The following HORMAD1 variants were observed in gnomAD, a reference collection of about 807,000 sequenced individuals.
HORMAD1 encodes the protein HORMA domain containing 1.
HORMAD1 carries 33 observed loss-of-function variants against 58.2 expected under a neutral mutation model. The ratio of observed to expected loss-of-function variants is 0.57; its 90% CI spans 0.43 to 0.76. The LOEUF is 0.76. Among genes scored for constraint, HORMAD1 ranks in the 30% least tolerant of loss-of-function variants. The pLI, the probability that HORMAD1 is intolerant of heterozygous loss-of-function variation, is 0.00. For missense variants in HORMAD1, 363 were observed against 462.0 expected (o/e 0.79, Z 1.96); for synonymous variants, 137 against 144.6 (o/e 0.95, Z 0.38).
intron 10 of HORMAD1, among the ~76,000 whole-genome samples, chr1:150,704,927 C>T (rs1170621540): frequency 8.6e-5 from 13 of 152,042 alleles, no homozygotes; most frequent in Non-Finnish European, 1.5e-4. Context: ...CTTGTAATCC[C>T]AGCTACTCAG....
chr1:150,709,486 A>G (rs1017559947), intron 7 of HORMAD1, among the ~76,000 whole-genome samples: 7 of 152,234 alleles, frequency 4.6e-5, no homozygotes, highest in Non-Finnish European at 1.0e-4. Flanking sequence ...TCTAGTCTCA[A>G]TAAACCAGGG....
At position 150,704,284 on chromosome 1, in the gene HORMAD1, T is replaced by C. The variant is rs1219441506; in HGVS notation, c.864A>G (p.Glu288=). The change falls in exon 11 of 15, where the codon GAA becomes GAG. Residue 288 remains glutamate, a synonymous_variant. Coordinates refer to ENST00000361824, the MANE Select transcript of HORMAD1 (RefSeq NM_032132.5). ...EEQEKNPASS[E]LEEPSLVCEE... ...TTTTCATTAACTTCTTACCTTCAAG[T>C]TCAGAAGATGCAGGGTTTTTTTCCT... 6.3e-7 allele frequency: 1 copy of C among 1,596,828 alleles called. No homozygotes were observed. Among genetic ancestry groups the C allele is most frequent in the Non-Finnish European group, 8.5e-7 (1 of 1,172,396 alleles).
chr1:150,703,286 A>C (rs755047058), intron 13 of HORMAD1, 24 bp downstream of exon 13: 11 of 1,275,512 alleles, frequency 8.6e-6, no homozygotes, highest in Non-Finnish European at 1.2e-5. Flanking sequence ...TTACAATGGA[A>C]AACAAACCTA....
In HORMAD1 at chr1:150,698,736, T is replaced by C. The variant is rs767012237; in HGVS notation, c.1105-2A>G. On this transcript the variant is annotated splice_acceptor_variant, in intron 14 of 14. Coordinates refer to ENST00000361824, the MANE Select transcript of HORMAD1 (RefSeq NM_032132.5). LOFTEE classifies it high-confidence loss of function. The stretch of plus-strand genomic sequence containing the variant: ...AGAAGAATCAAAGTGATGGAGGACC[T>C]GTCAAAAGAAAACAACTACTAAGAA... The C allele has an allele frequency of 3.8e-6, 6 of 1,568,980 alleles. No homozygotes were observed. The South Asian group carries it at 6.9e-5, about 18-fold the overall frequency.
In HORMAD1 at chr1:150,698,688, CT is replaced by C; in HGVS notation, c.1150del (p.Arg384GlyfsTer29). 3 of 1,603,714 alleles carry C rather than the reference CT, an allele frequency of 1.9e-6. No individual in the cohort carries two copies. Among genetic ancestry groups the C allele is most frequent in the Non-Finnish European group, 2.6e-6 (3 of 1,171,890 alleles). On this transcript the variant is annotated frameshift_variant, in exon 15 of 15. Coordinates refer to ENST00000361824, the MANE Select transcript of HORMAD1 (RefSeq NM_032132.5). LOFTEE classifies it high-confidence loss of function. ...DSSSQESVPK[R>X]RKFSEPKEHI is the part of the protein sequence containing the mutation. ...TTCCTTTGGTTCACTAAACTTTCTC[CT>C]TTTTGGCACTGACTCTTGACTAGAA...
At chr1:150,720,155 A>G (rs1366829971) in intron 1 of HORMAD1, among the ~76,000 whole-genome samples, 5 of 150,808 alleles carry the variant, frequency 3.3e-5, no homozygotes, top group Admixed American at 6.6e-5. Context: ...GCTCACCGCA[A>G]CCTCCCCCTC....
chr1:150,698,796 G>T, intron 14 of HORMAD1, 62 bp from the exon 15 acceptor site: 1 of 954,394 alleles, frequency 1.0e-6, no homozygotes, highest in Non-Finnish European at 1.6e-6. Context: ...TTTAATTGTA[G>T]ATTTTTTCAT....
chr1:150,713,378 T>C (rs918186641), intron 5 of HORMAD1, among the ~76,000 whole-genome samples: 1 of 152,120 alleles, frequency 6.6e-6, no homozygotes, highest in Non-Finnish European at 1.5e-5. Flanking sequence ...GCTCAATATT[T>C]ACTACGCCTT....
chr1:150,717,800 G>A (rs1325578889), intron 2 of HORMAD1, among the ~76,000 whole-genome samples: 1 of 151,976 alleles, frequency 6.6e-6, no homozygotes, highest in East Asian at 1.9e-4. Flanking sequence ...CGTGGTGGCA[G>A]GCACCTGTAA....
At chr1:150,716,839 T>C (rs1652095504) in intron 3 of HORMAD1, among the ~76,000 whole-genome samples, 1 of 151,160 alleles carries the variant, frequency 6.6e-6, no homozygotes, top group South Asian at 2.1e-4. Flanking sequence ...GGCGGGCGCC[T>C]GTAGTCCCAG....
chr1:150,717,801 G>T (rs191721786), intron 2 of HORMAD1, among the ~76,000 whole-genome samples: 1 of 152,174 alleles, frequency 6.6e-6, no homozygotes, highest in Non-Finnish European at 1.5e-5. Flanking sequence ...GTGGTGGCAG[G>T]CACCTGTAAA....
chr1:150,712,859 TA>T (rs1157559319), intron 5 of HORMAD1, among the ~76,000 whole-genome samples: 1 of 152,242 alleles, frequency 6.6e-6, no homozygotes, highest in East Asian at 1.9e-4. Context: ...AAACAATTTT[TA>T]AATGTAAATC....
At chr1:150,705,571 G>A (rs587775810) in intron 10 of HORMAD1, among the ~76,000 whole-genome samples, 69 of 151,900 alleles carry the variant, frequency 4.5e-4, no homozygotes, top group African/African-American at 1.6e-3. Flanking sequence ...GAGAGTTATT[G>A]AAGGATAAGC....
chr1:150,698,841 A>G, intron 14 of HORMAD1, 107 bp from the exon 15 acceptor site: 1 of 635,328 alleles, frequency 1.6e-6, no homozygotes, highest in East Asian at 2.8e-5. Flanking sequence ...AAAAAAATTT[A>G]TGCCTAGCAT....
At chr1:150,715,684 C>T (rs1652046171) in intron 3 of HORMAD1, among the ~76,000 whole-genome samples, 1 of 152,048 alleles carries the variant, frequency 6.6e-6, no homozygotes, top group South Asian at 2.1e-4. Context: ...CTGCCTCAGC[C>T]TCCCAAAGTG....
At chr1:150,720,329 G>A (rs587715290) in intron 1 of HORMAD1, among the ~76,000 whole-genome samples, 96 of 152,260 alleles carry the variant, frequency 6.3e-4, no homozygotes, top group Non-Finnish European at 1.2e-3. Context: ...CCAAGGTGTT[G>A]GGATTATAGG....
In HORMAD1 at chr1:150,708,235, A is replaced by G. The variant is rs759984335; in HGVS notation, c.547+21T>C. ...ATAAAACATATGTACCAACTGAAACAGGATGTATTGCAAATAGTACCTTCA... is the reference window on the plus strand; with the variant it reads ...ATAAAACATATGTACCAACTGAAACGGGATGTATTGCAAATAGTACCTTCA... On this transcript the variant is annotated intron_variant, in intron 9 of 14. Coordinates refer to ENST00000361824, the MANE Select transcript of HORMAD1 (RefSeq NM_032132.5). The G allele has an allele frequency of 3.2e-6, 5 of 1,547,720 alleles. No individual in the cohort carries two copies. The East Asian group carries it at 7.0e-5, about 22-fold the overall frequency.
intron 5 of HORMAD1, among the ~76,000 whole-genome samples, chr1:150,712,689 C>G (rs587673225): frequency 6.6e-6 from 1 of 152,212 alleles, no homozygotes; most frequent in South Asian, 2.1e-4. Flanking sequence ...ACTGGGATTA[C>G]AGGCGCGCCA....
Position 150,704,289 on chromosome 1 carries a change from A to G in HORMAD1, c.859T>C (p.Ser287Pro). Residue 287 changes from serine to proline, a missense_variant, in exon 11 of 15, where the codon TCT becomes CCT. Ser to Pro is a moderately conservative substitution (Grantham distance 74, BLOSUM62 -1). This residue lies in a region of HORMAD1 where 226 missense variants were observed against 257.8 expected (regional missense o/e 0.88). Transcript: ENST00000361824. ...MEEQEKNPAS[S>P]ELEEPSLVCE... ...ATTAACTTCTTACCTTCAAGTTCAG[A>G]AGATGCAGGGTTTTTTTCCTGTTCT... 6.3e-7 allele frequency: 1 copy of G among 1,596,736 alleles called. No homozygotes were observed. Among genetic ancestry groups the G allele is most frequent in the East Asian group, 2.2e-5 (1 of 44,704 alleles).
Sources: gnomAD v4.1 joint callset for allele counts (sites outside exome capture counted in the v4.1 genomes callset) on GRCh38, gnomAD v4.1.1 for gene constraint, gnomAD v4.1.1 regional missense constraint, MANE v1.5 for transcripts, NCBI Gene and HGNC (gene_info 2026-07-23, HGNC 2026-07-21) for gene names.